Variants in MICAL2 observed in about 807,000 individuals in gnomAD.
MICAL2 encodes the protein microtubule associated monooxygenase, calponin and LIM domain containing 2.
In MICAL2, 77 loss-of-function variants were observed where a neutral mutation model predicts 127.3. The observed-to-expected ratio is 0.60, with a 90% confidence interval of 0.50 to 0.73. The LOEUF is 0.73. Among genes scored for constraint, MICAL2 ranks in the 30% least tolerant of loss-of-function variants. The pLI, the probability that MICAL2 is intolerant of heterozygous loss-of-function variation, is 0.00. For missense variants in MICAL2, 1,351 were observed against 1,434.4 expected, an observed-to-expected ratio of 0.94 and a Z score of 0.94; for synonymous variants, 570 against 551.1, an observed-to-expected ratio of 1.03 and a Z score of -0.48.
intron 21 of MICAL2, among the ~76,000 whole-genome samples, chr11:12,244,790 G>A (rs1469431544): frequency 2.6e-5 from 4 of 152,206 alleles, no homozygotes; most frequent in African/African-American, 9.7e-5. Context: ...AATGTCTGGT[G>A]TGACTTGAAC....
chr11:12,211,086 C>T (rs1043142379), intron 6 of MICAL2, among the ~76,000 whole-genome samples: 3 of 152,132 alleles, frequency 2.0e-5, no homozygotes, highest in African/African-American at 7.2e-5. Flanking sequence ...TGAATGGAAA[C>T]CCAAGGTTGT....
In MICAL2 at chr11:12,239,445, T is replaced by C. The variant is rs962831168; in HGVS notation, c.2074T>C (p.Phe692Leu). Reference protein sequence around the residue: ...GFTNLDEPSNFSSRSLGSNQE... With the variant: ...GFTNLDEPSNLSSRSLGSNQE... ...GTTTCAACCTTTGCAGCCTTCAAAC[T>C]TTTCCAGCCGTAGCTTGGGCTCCAA... The change falls in exon 17 of 28, where the codon TTT becomes CTT. Residue 692 changes from phenylalanine to leucine, a missense_variant. By Grantham distance (22) the Phe-to-Leu change is conservative. Around this residue, in one of 2 missense-constraint regions of MICAL2, gnomAD observed 752 missense variants for 719.4 expected, o/e 1.05. Coordinates refer to ENST00000683283, the MANE Select transcript of MICAL2 (RefSeq NM_001282663.2). 6.2e-7 allele frequency: 1 copy of C among 1,614,088 alleles called. No homozygotes were observed. Among genetic ancestry groups the C allele is most frequent in the Non-Finnish European group, 8.5e-7 (1 of 1,180,010 alleles).
At chr11:12,342,514 G>A (rs1417420473) in intron 32 of MICAL2, among the ~76,000 whole-genome samples, 1 of 152,192 alleles carries the variant, frequency 6.6e-6, no homozygotes, top group African/African-American at 2.4e-5. Flanking sequence ...AATTCTAAAG[G>A]TGAACAGAAA....
chr11:12,177,876 G>T (rs929150663), intron 3 of MICAL2, among the ~76,000 whole-genome samples: 1 of 152,080 alleles, frequency 6.6e-6, no homozygotes, highest in African/African-American at 2.4e-5. Context: ...TTCTATTTCT[G>T]GCCTGTACCT....
At chr11:12,294,119 C>T, downstream of MICAL2, 1 of 1,614,044 alleles carries the variant, frequency 6.2e-7, no homozygotes, top group Non-Finnish European at 8.5e-7. Flanking sequence ...AGTCCGCCCC[C>T]TGCTGCTCCC....
At chr11:12,325,608 T>G (rs913982712) in intron 31 of MICAL2, among the ~76,000 whole-genome samples, 1 of 152,254 alleles carries the variant, frequency 6.6e-6, no homozygotes, top group Non-Finnish European at 1.5e-5. Flanking sequence ...GCCTTCTTCA[T>G]GTGTCCTCAC....
At position 12,255,672 on chromosome 11, in the gene MICAL2, A is replaced by T; in HGVS notation, c.2877A>T (p.Ile959=). Reference sequence around the variant, plus strand: ...CGGTAGGGAAAGTGTCCAGCGGAATAGGGGCTGCAGCTGAAGTCCTGGTCA... The same window carrying T: ...CGGTAGGGAAAGTGTCCAGCGGAATTGGGGCTGCAGCTGAAGTCCTGGTCA... ...QLTVGKVSSG[I]GAAAEVLVNL... is the part of the protein sequence containing the mutation. Residue 959 remains isoleucine (I), a synonymous_variant, in exon 23 of 28, where the codon ATA becomes ATT. Transcript: ENST00000683283. 6.2e-7 allele frequency: 1 copy of T among 1,613,932 alleles called. No individual in the cohort carries two copies. Among genetic ancestry groups the T allele is most frequent in the East Asian group, 2.2e-5 (1 of 44,840 alleles).
intron 32 of MICAL2, among the ~76,000 whole-genome samples, chr11:12,344,975 T>A (rs530190850): frequency 3.8e-4 from 57 of 150,880 alleles, no homozygotes; most frequent in African/African-American, 1.3e-3. Flanking sequence ...TAGCTGGTGT[T>A]GTGGTGGGCG....
intron 21 of MICAL2, among the ~76,000 whole-genome samples, chr11:12,247,800 A>G (rs1860967437): frequency 6.6e-6 from 1 of 152,248 alleles, no homozygotes; most frequent in Non-Finnish European, 1.5e-5. Context: ...GATTTATTCT[A>G]TCCTGGTGCA....
chr11:12,165,046 G>A (rs1363897259), intron 3 of MICAL2, among the ~76,000 whole-genome samples: 1 of 151,480 alleles, frequency 6.6e-6, no homozygotes, highest in African/African-American at 2.4e-5. Flanking sequence ...GGCTGAGGCA[G>A]GAGAATCACT....
chr11:12,189,935 ATC>A (rs1293696720), intron 3 of MICAL2, among the ~76,000 whole-genome samples: 1 of 152,248 alleles, frequency 6.6e-6, no homozygotes, highest in African/African-American at 2.4e-5. Context: ...GGTTGTGGGC[ATC>A]TATCATACAG....
chr11:12,126,483 GA>G (rs1292485064), intron 1 of MICAL2, among the ~76,000 whole-genome samples: 2 of 152,136 alleles, frequency 1.3e-5, no homozygotes, highest in African/African-American at 4.8e-5. Context: ...TGGCTCTGAA[GA>G]AAAAATGCAG....
chr11:12,267,392 A>G (rs2134745946), downstream of MICAL2, among the ~76,000 whole-genome samples: 1 of 152,196 alleles, frequency 6.6e-6, no homozygotes, highest in South Asian at 2.1e-4. Context: ...GCTCAGCCCA[A>G]AGGCCCTGGA....
rs1222430617 is a variant in MICAL2, at chr11:12,220,279, G to A, written c.1027G>A (p.Ala343Thr). ...DNLLSYAREA[A>T]DFATNYQLPS... ...CCTGCTATCCTATGCCCGGGAAGCT[G>A]CAGACTTTGCCACCAACTACCAGCT... The change falls in exon 9 of 28, where the codon GCA (alanine) becomes ACA (threonine). Residue 343 changes from alanine (A) to threonine (T), a missense_variant. This residue lies in a region of MICAL2 where 599 missense variants were observed against 714.9 expected (regional missense o/e 0.84). Coordinates refer to ENST00000683283, the MANE Select transcript of MICAL2 (RefSeq NM_001282663.2). The A allele has an allele frequency of 3.1e-6, 5 of 1,614,240 alleles. No homozygotes were observed. The highest frequency in any genetic ancestry group is 4.2e-6 in the Non-Finnish European group (5 of 1,180,044).
At chr11:12,353,905 T>G (rs1939091611) in intron 33 of MICAL2, among the ~76,000 whole-genome samples, 1 of 152,200 alleles carries the variant, frequency 6.6e-6, no homozygotes, top group Non-Finnish European at 1.5e-5. Context: ...AGTCAGAGAC[T>G]TGGGCATCAT....
At chr11:12,158,529 T>G (rs1266410342) in intron 2 of MICAL2, among the ~76,000 whole-genome samples, 1 of 152,196 alleles carries the variant, frequency 6.6e-6, no homozygotes, top group African/African-American at 2.4e-5. Context: ...TAATTTCATC[T>G]GTACTGAATA....
At chr11:12,276,746 T>G (rs554283779) in intron 1 of MICAL2, 2 of 152,244 alleles carry the variant, frequency 1.3e-5, no homozygotes, top group Non-Finnish European at 2.9e-5. Flanking sequence ...GATTGCTTAT[T>G]ATTTACTAGA....
At chr11:12,350,552 C>T (rs766926053) in intron 33 of MICAL2, among the ~76,000 whole-genome samples, 10 of 152,094 alleles carry the variant, frequency 6.6e-5, no homozygotes, top group South Asian at 2.1e-4. Flanking sequence ...TATGCTGTCT[C>T]GTTTCATTTT....
intron 3 of MICAL2, among the ~76,000 whole-genome samples, chr11:12,200,691 T>C (rs1860595577): frequency 6.6e-6 from 1 of 152,260 alleles, no homozygotes; most frequent in Non-Finnish European, 1.5e-5. Context: ...GCCCGAAATA[T>C]GTACTGGGGC....
Sources: gnomAD v4.1 joint callset for allele counts (sites outside exome capture counted in the v4.1 genomes callset) on GRCh38, gnomAD v4.1.1 for gene constraint, gnomAD v4.1.1 regional missense constraint, MANE v1.5 for transcripts, NCBI Gene and HGNC (gene_info 2026-07-23, HGNC 2026-07-21) for gene names.